STXBP5L: variants seen among roughly 807,000 people sequenced by gnomAD.
The protein encoded by STXBP5L is syntaxin binding protein 5L.
A neutral mutation model predicts 144.5 loss-of-function variants in STXBP5L; 65 were observed. The ratio of observed to expected loss-of-function variants is 0.45; its 90% CI spans 0.37 to 0.55. STXBP5L has a LOEUF of 0.55. STXBP5L is among the 20% of genes least tolerant of loss of function. STXBP5L has a pLI of 0.00. For missense variants in STXBP5L, 1,298 were observed against 1,405.5 expected (o/e 0.92, Z 1.22); for synonymous variants, 505 against 469.6 (o/e 1.08, Z -0.97).
At chr3:121,385,328 G>T (rs1232964100) in intron 22 of STXBP5L, among the ~76,000 whole-genome samples, 2 of 152,106 alleles carry the variant, frequency 1.3e-5, no homozygotes, top group Non-Finnish European at 2.9e-5. Context: ...ATGGCAAGAG[G>T]AAAAGCAAGA....
chr3:121,019,127 G>A (rs1945360682), intron 3 of STXBP5L, among the ~76,000 whole-genome samples: 1 of 152,164 alleles, frequency 6.6e-6, no homozygotes. Flanking sequence ...CGGGTGACCT[G>A]TGGGATGCAG....
intron 3 of STXBP5L, among the ~76,000 whole-genome samples, chr3:120,978,817 C>T (rs181997446): frequency 6.6e-6 from 1 of 152,174 alleles, no homozygotes; most frequent in African/African-American, 2.4e-5. Flanking sequence ...CACTCCAGAC[C>T]CTGTTTGCCT....
At chr3:121,135,016 C>T (rs1414139140) in intron 7 of STXBP5L, among the ~76,000 whole-genome samples, 2 of 152,140 alleles carry the variant, frequency 1.3e-5, no homozygotes, top group African/African-American at 2.4e-5. Flanking sequence ...GTTAACAGTC[C>T]CACCAACAGT....
intron 12 of STXBP5L, among the ~76,000 whole-genome samples, chr3:121,234,289 C>T (rs2049399785): frequency 6.6e-6 from 1 of 152,066 alleles, no homozygotes; most frequent in Non-Finnish European, 1.5e-5. Context: ...GATCTTTTAG[C>T]CTCATATATT....
At chr3:121,131,754 A>C (rs1428889431) in intron 7 of STXBP5L, among the ~76,000 whole-genome samples, 1 of 152,224 alleles carries the variant, frequency 6.6e-6, no homozygotes, top group Admixed American at 6.5e-5. Flanking sequence ...CCAATGGAAA[A>C]GGAGTGATAT....
At chr3:121,183,637 G>GGAAAGAAAGAAAAAA (rs2047249906) in intron 9 of STXBP5L, among the ~76,000 whole-genome samples, 1 of 149,268 alleles carries the variant, frequency 6.7e-6, no homozygotes, top group Non-Finnish European at 1.5e-5. Flanking sequence ...GAGGGAGGAA[G>GGAAAGAAAGAAAAAA]GAAAGAAAGA....
intron 9 of STXBP5L, among the ~76,000 whole-genome samples, chr3:121,169,687 A>G (rs2046635707): frequency 6.6e-6 from 1 of 152,198 alleles, no homozygotes; most frequent in African/African-American, 2.4e-5. Flanking sequence ...GAGCACCCAG[A>G]TTCATAAAGC....
rs372919940 is a variant in STXBP5L, at chr3:121,159,956, G to C, written c.877+2329G>C. On this transcript the variant is annotated intron_variant, in intron 9 of 26. Coordinates refer to ENST00000471454, the MANE Select transcript of STXBP5L (RefSeq NM_001308330.2). ...CGACATTTTCTAATTGTTACATAAA[G>C]GTCAAACTTGAAATTGTGTTTTTCA... 2.6e-3 allele frequency among the ~76,000 whole-genome samples: 390 copies of C among 152,186 alleles called. 2 individuals carry two copies. The highest frequency in any genetic ancestry group is 0.025 in the South Asian group (123 of 4,824).
chr3:121,334,476 G>T (rs1005598464), intron 20 of STXBP5L, among the ~76,000 whole-genome samples: 3 of 151,460 alleles, frequency 2.0e-5, no homozygotes, highest in Admixed American at 2.0e-4. Context: ...TAGCCTTGAT[G>T]GTCATTGATG....
chr3:121,149,203 A>T (rs920670182), intron 7 of STXBP5L, among the ~76,000 whole-genome samples: 1 of 152,100 alleles, frequency 6.6e-6, no homozygotes, highest in Non-Finnish European at 1.5e-5. Context: ...AATTCATTAA[A>T]TATACATCTA....
intron 19 of STXBP5L, among the ~76,000 whole-genome samples, chr3:121,318,036 A>G (rs1452539324): frequency 1.3e-5 from 2 of 152,146 alleles, no homozygotes; most frequent in Non-Finnish European, 2.9e-5. Flanking sequence ...GTCATTTATT[A>G]AAGTAGCTAT....
At chr3:120,984,916 G>C (rs1022627220) in intron 3 of STXBP5L, among the ~76,000 whole-genome samples, 2 of 151,900 alleles carry the variant, frequency 1.3e-5, no homozygotes, top group African/African-American at 4.8e-5. Context: ...CATCAATTGA[G>C]ATGTTGTGTG....
chr3:121,397,308 T>C (rs2046755458), intron 22 of STXBP5L, among the ~76,000 whole-genome samples: 1 of 152,264 alleles, frequency 6.6e-6, no homozygotes, highest in Non-Finnish European at 1.5e-5. Flanking sequence ...GTTGTATAAC[T>C]GAACTGATGA....
At chr3:120,972,559 A>G (rs1000983620) in intron 3 of STXBP5L, among the ~76,000 whole-genome samples, 3 of 151,852 alleles carry the variant, frequency 2.0e-5, no homozygotes, top group Non-Finnish European at 2.9e-5. Context: ...CATGCCTCTT[A>G]TTTCTTTCTC....
chr3:121,326,855 C>T (rs992238377), intron 20 of STXBP5L, among the ~76,000 whole-genome samples: 4 of 152,042 alleles, frequency 2.6e-5, no homozygotes, highest in African/African-American at 7.2e-5. Context: ...TCCAAATATT[C>T]GTTGTAGCTT....
At chr3:121,342,898 T>A (rs1357404037) in intron 20 of STXBP5L, among the ~76,000 whole-genome samples, 1 of 149,792 alleles carries the variant, frequency 6.7e-6, no homozygotes, top group Admixed American at 6.7e-5. Context: ...TATTTCTAGT[T>A]CTAGATCCCT....
chr3:121,070,559 G>A (rs573766601), intron 5 of STXBP5L, among the ~76,000 whole-genome samples: 13 of 151,670 alleles, frequency 8.6e-5, no homozygotes, highest in Admixed American at 1.3e-4. Context: ...TTTGGTGCTC[G>A]ACACAAATGT....
At chr3:120,942,928 T>A (rs1288028223) in intron 2 of STXBP5L, among the ~76,000 whole-genome samples, 1 of 151,686 alleles carries the variant, frequency 6.6e-6, no homozygotes, top group Non-Finnish European at 1.5e-5. Context: ...CTGGTTTGAC[T>A]GCTAAATTTC....
intron 3 of STXBP5L, among the ~76,000 whole-genome samples, chr3:120,992,512 A>G (rs765424802): frequency 2.4e-4 from 36 of 151,786 alleles, no homozygotes; most frequent in South Asian, 4.2e-4. Context: ...CATGAGATCA[A>G]TTTTTTTTAT....
Sources: gnomAD v4.1 joint callset for allele counts (sites outside exome capture counted in the v4.1 genomes callset) on GRCh38, gnomAD v4.1.1 for gene constraint, MANE v1.5 for transcripts, NCBI Gene and HGNC (gene_info 2026-07-23, HGNC 2026-07-21) for gene names.